CDKAL1: variants seen among roughly 807,000 people sequenced by gnomAD.
CDKAL1 encodes the protein CDKAL1 threonylcarbamoyladenosine tRNA methylthiotransferase.
In CDKAL1, 32 loss-of-function variants were observed where a neutral mutation model predicts 68.2. The ratio of observed to expected loss-of-function variants is 0.47; its 90% CI spans 0.35 to 0.63. CDKAL1 has a LOEUF of 0.63. CDKAL1 is among the 30% of genes least tolerant of loss of function. CDKAL1 has a pLI of 0.00. For missense variants in CDKAL1, 606 were observed against 696.7 expected (o/e 0.87, Z 1.47); for synonymous variants, 234 against 244.3 (o/e 0.96, Z 0.39).
intron 4 of CDKAL1, among the ~76,000 whole-genome samples, chr6:20,568,553 A>G (rs1257312365): frequency 1.3e-5 from 2 of 151,634 alleles, no homozygotes; most frequent in Non-Finnish European, 2.9e-5. Flanking sequence ...CTAACACGGT[A>G]AAACCCCGTC....
intron 9 of CDKAL1, among the ~76,000 whole-genome samples, chr6:20,858,659 C>G (rs1181943628): frequency 6.6e-6 from 1 of 152,154 alleles, no homozygotes; most frequent in East Asian, 1.9e-4. Flanking sequence ...TAGTAGGAAT[C>G]TGCAGTTCTT....
chr6:20,726,677 C>T (rs1331352493), intron 5 of CDKAL1, among the ~76,000 whole-genome samples: 4 of 152,122 alleles, frequency 2.6e-5, no homozygotes, highest in Non-Finnish European at 5.9e-5. Flanking sequence ...CCAGCATAGA[C>T]TGAAGGTGCT....
intron 6 of CDKAL1, among the ~76,000 whole-genome samples, chr6:20,748,667 G>T (rs1773778552): frequency 6.7e-6 from 1 of 148,168 alleles, no homozygotes; most frequent in African/African-American, 2.5e-5. Context: ...AGAATAGAGA[G>T]CCTAGAGATA....
At chr6:20,730,193 C>T (rs938904402) in intron 5 of CDKAL1, among the ~76,000 whole-genome samples, 17 of 151,450 alleles carry the variant, frequency 1.1e-4, no homozygotes, top group African/African-American at 2.9e-4. Flanking sequence ...GGCATGGTGG[C>T]GTGTGCCTGT....
At chr6:20,951,240 GAA>G (rs2150718646) in intron 9 of CDKAL1, among the ~76,000 whole-genome samples, 1 of 152,274 alleles carries the variant, frequency 6.6e-6, no homozygotes, top group South Asian at 2.1e-4. Flanking sequence ...AACTACTAGA[GAA>G]ATGCTACTTC....
rs1181595369 is a variant in CDKAL1 at position 20,754,003 on chromosome 6, A to G, written c.469-4592A>G. The stretch of plus-strand genomic sequence containing the variant: ...TGTGTGTGTGTGTATTTTAAGAGAC[A>G]GGGTCTCACTCTGTCACCTACGCTG... On this transcript the variant is annotated intron_variant, in intron 6 of 15. Transcript: ENST00000274695. 2.0e-5 allele frequency among the ~76,000 whole-genome samples: 3 copies of G among 146,404 alleles called. No homozygotes were observed. In the Admixed American group the frequency reaches 2.1e-4, roughly 10 times the overall value.
intron 4 of CDKAL1, among the ~76,000 whole-genome samples, chr6:20,581,746 G>A (rs913294559): frequency 6.6e-6 from 1 of 152,086 alleles, no homozygotes; most frequent in East Asian, 1.9e-4. Flanking sequence ...ATGATTTTAC[G>A]TATCTATAAT....
In CDKAL1 at chr6:21,082,095, A is replaced by G. The variant is rs576850529; in HGVS notation, c.1236+16867A>G. Among the ~76,000 whole-genome samples the G allele has an allele frequency of 2.6e-5, 4 of 152,344 alleles. No individual in the cohort carries two copies. The East Asian group carries it at 7.7e-4, about 29-fold the overall frequency. ...GCCCCTTGCAATCCATTTATTTCAT[A>G]ATTAAGGACAATATAATCAAATATG... On this transcript the variant is annotated intron_variant, in intron 12 of 15. Transcript: ENST00000274695.
intron 4 of CDKAL1, among the ~76,000 whole-genome samples, chr6:20,620,658 A>C (rs562247899): frequency 6.6e-6 from 1 of 151,878 alleles, no homozygotes; most frequent in Non-Finnish European, 1.5e-5. Flanking sequence ...ACACTTGTTT[A>C]CTGGGTCTAT....
intron 4 of CDKAL1, among the ~76,000 whole-genome samples, chr6:20,646,011 C>T (rs1165111712): frequency 6.6e-6 from 1 of 150,416 alleles, no homozygotes; most frequent in Non-Finnish European, 1.5e-5. Flanking sequence ...GAATACCTGC[C>T]TCCTGGAGGA....
At chr6:20,943,345 G>A (rs9295487) in intron 9 of CDKAL1, among the ~76,000 whole-genome samples, 37,309 of 137,326 alleles carry the variant, frequency 0.27, 5,464 homozygotes, top group South Asian at 0.31. Context: ...AAAAAAAAAA[G>A]AAAAAGAAAA....
chr6:21,036,800 T>A (rs1412202992), intron 11 of CDKAL1, among the ~76,000 whole-genome samples: 1 of 152,186 alleles, frequency 6.6e-6, no homozygotes, highest in South Asian at 2.1e-4. Flanking sequence ...ACCTCACTAA[T>A]AAACAACAAC....
At chr6:21,152,993 T>C (rs1018974281) in intron 13 of CDKAL1, among the ~76,000 whole-genome samples, 3 of 152,220 alleles carry the variant, frequency 2.0e-5, no homozygotes, top group Non-Finnish European at 2.9e-5. Context: ...CTTTTATCTC[T>C]CCTATTCTAT....
Position 21,073,033 on chromosome 6 carries a change from C to T in CDKAL1, c.1236+7805C>T, listed in dbSNP as rs565998172. 2.6e-5 allele frequency among the ~76,000 whole-genome samples: 4 copies of T among 152,262 alleles called. No homozygotes were observed. In the East Asian group the frequency reaches 7.7e-4, roughly 29 times the overall value. ...CCTGGCAACCACTGATCTACTGCCTCTAATTTTGCCTTTTCCAGAATGTCA... is the reference window on the plus strand; with the variant it reads ...CCTGGCAACCACTGATCTACTGCCTTTAATTTTGCCTTTTCCAGAATGTCA... On this transcript the variant is annotated intron_variant, in intron 12 of 15. Transcript: ENST00000274695.
chr6:20,729,851 C>T (rs114343751), intron 5 of CDKAL1, among the ~76,000 whole-genome samples: 2,213 of 152,242 alleles, frequency 0.015, 20 homozygotes, highest in African/African-American at 0.027. Context: ...AGCTACTCCT[C>T]GTGGTTGTAC....
chr6:21,214,313 T>A lies in CDKAL1; in HGVS notation c.1548+13039T>A, dbSNP rs562794897. Among the ~76,000 whole-genome samples the A allele has an allele frequency of 1.2e-4, 18 of 149,962 alleles. No individual in the cohort carries two copies. The South Asian group carries it at 2.1e-3, about 18-fold the overall frequency. On this transcript the variant is annotated intron_variant, in intron 15 of 15. Coordinates refer to ENST00000274695, the MANE Select transcript of CDKAL1 (RefSeq NM_017774.3). ...ACTTCAAAATTGTTCAAATGTTATT[T>A]TATATATATATATATACATACCATA...
At chr6:20,912,112 A>C (rs542238144) in intron 9 of CDKAL1, among the ~76,000 whole-genome samples, 1 of 152,204 alleles carries the variant, frequency 6.6e-6, no homozygotes, top group Non-Finnish European at 1.5e-5. Flanking sequence ...ATGAGAGTGC[A>C]TGAAGAAATC....
chr6:20,758,320 G>A (rs1774316274), intron 6 of CDKAL1, among the ~76,000 whole-genome samples: 1 of 151,954 alleles, frequency 6.6e-6, no homozygotes. Flanking sequence ...TTGAGTATAT[G>A]TTGATAGGCT....
chr6:20,946,711 C>T (rs1255979004), intron 9 of CDKAL1, among the ~76,000 whole-genome samples: 34 of 150,866 alleles, frequency 2.3e-4, no homozygotes, highest in Non-Finnish European at 1.5e-5. Flanking sequence ...GATTCTCCTG[C>T]TCAGCCTCCC....
Sources: allele counts gnomAD v4.1 joint callset (sites outside exome capture counted in the v4.1 genomes callset), GRCh38; gene constraint gnomAD v4.1.1; transcripts MANE v1.5; gene names NCBI Gene and HGNC (gene_info 2026-07-23, HGNC 2026-07-21).